Variants in SH3BGR observed in about 807,000 individuals in gnomAD.
The protein encoded by SH3BGR is SH3 domain binding glutamate rich protein, also known as SH3 domain-binding glutamic acid-rich protein.
SH3BGR carries 29 observed loss-of-function variants against 24.5 expected under a neutral mutation model. That is an observed-to-expected ratio of 1.18 (90% CI 0.88 to 1.61). The LOEUF is 1.61. Ranked by LOEUF, SH3BGR falls within the 40% of genes most tolerant of loss-of-function variation. The probability of loss-of-function intolerance (pLI) is 0.00; values close to 1 mark genes in which losing one functional copy is unlikely to be tolerated. For missense variants in SH3BGR, 162 were observed against 205.8 expected, an observed-to-expected ratio of 0.79 and a Z score of 1.30; for synonymous variants, 55 against 65.7, an observed-to-expected ratio of 0.84 and a Z score of 0.79.
chr21:39,508,754 A>C (rs1004560855), intron 4 of SH3BGR, among the ~76,000 whole-genome samples: 12 of 152,328 alleles, frequency 7.9e-5, no homozygotes, highest in South Asian at 4.1e-4. Context: ...TTTTCTCAGG[A>C]GTTCAAGTGA....
intron 1 of SH3BGR, chr21:39,446,964 T>A (rs1468419278): frequency 6.6e-6 from 1 of 152,174 alleles, no homozygotes; most frequent in African/African-American, 2.4e-5. Flanking sequence ...AATCCTACTT[T>A]GGTAGAAGTG....
intron 3 of SH3BGR, among the ~76,000 whole-genome samples, chr21:39,490,407 A>G (rs8127748): frequency 0.45 from 68,446 of 152,170 alleles, 18,167 homozygotes; most frequent in East Asian, 0.68. Flanking sequence ...ATTTTTGCAC[A>G]GCTGTTCTGC....
intron 2 of SH3BGR, among the ~76,000 whole-genome samples, chr21:39,472,550 A>C (rs895901285): frequency 9.2e-5 from 14 of 152,148 alleles, no homozygotes; most frequent in African/African-American, 3.4e-4. Flanking sequence ...ACTGTATCAA[A>C]CCTAGACACA....
intron 1 of SH3BGR, among the ~76,000 whole-genome samples, chr21:39,461,127 T>G (rs2077747652): frequency 6.7e-6 from 1 of 150,208 alleles, no homozygotes; most frequent in Non-Finnish European, 1.5e-5. Flanking sequence ...ACTCATCTAG[T>G]TTTGTAGATT....
rs747363583 is a variant in SH3BGR at position 39,462,391 on chromosome 21, A to G, written c.62A>G (p.Gln21Arg). The G allele has an allele frequency of 3.7e-6, 6 of 1,607,148 alleles. No individual in the cohort carries two copies. In the East Asian group the frequency reaches 1.3e-4, roughly 36 times the overall value. Residue 21 changes from glutamine (Q) to arginine (R), a missense_variant, in exon 2 of 7, where the codon CAA (glutamine) becomes CGA (arginine). Transcript: ENST00000333634. Reference sequence around the variant, plus strand: ...CTTGACCAGATTAGGAAGAAACAGCAAGAAGTAGTGGGTTTTTTGGAAGCG... The same window carrying G: ...CTTGACCAGATTAGGAAGAAACAGCGAGAAGTAGTGGGTTTTTTGGAAGCG... ...SGSIAIRKKQ[Q>R]EVVGFLEANK...
intron 3 of SH3BGR, among the ~76,000 whole-genome samples, chr21:39,498,236 C>T (rs980983735): frequency 4.6e-5 from 7 of 152,016 alleles, no homozygotes; most frequent in South Asian, 2.1e-4. Flanking sequence ...GCAGAGGTAC[C>T]GTATCACATT....
rs781284595 is a variant in SH3BGR at position 39,511,705 on chromosome 21, C to T, written c.461C>T (p.Ala154Val). 1.3e-4 allele frequency: 206 copies of T among 1,608,948 alleles called. 1 individual carries two copies. The highest frequency in any genetic ancestry group is 1.3e-3 in the Middle Eastern group (7 of 5,550). Residue 154 changes from alanine (A) to valine (V), a missense_variant, in exon 6 of 7, where the codon GCG becomes GTG. Transcript: ENST00000333634. This position sits in a 1 kb window ranked among gnomAD's most constrained non-coding sequence, Gnocchi z 4.2. ...ACGGAAGAAATAGCCATGGAGGGTG[C>T]GGAAGGGGAAGCCGAGGAGGAGGAA... is the stretch of plus-strand genomic sequence containing the variant. ...EETEEIAMEG[A>V]EGEAEEEEET...
chr21:39,456,942 TA>T (rs1279881856), intron 1 of SH3BGR, among the ~76,000 whole-genome samples: 1 of 36,560 alleles, frequency 2.7e-5, no homozygotes, highest in East Asian at 1.8e-3. Context: ...GTATAAGTGT[TA>T]ATTAAATTAA....
chr21:39,483,581 T>A (rs1378657554), intron 3 of SH3BGR, among the ~76,000 whole-genome samples: 1 of 152,216 alleles, frequency 6.6e-6, no homozygotes, highest in African/African-American at 2.4e-5. Flanking sequence ...ACTTTTTACC[T>A]GCTGACCCTG....
chr21:39,509,036 G>T lies in SH3BGR; in HGVS notation c.435+9G>T, dbSNP rs376963683. On this transcript the variant is annotated intron_variant, in intron 5 of 6. Coordinates refer to ENST00000333634, the MANE Select transcript of SH3BGR (RefSeq NM_007341.3). ...AGACAGCCACAGAAGAGGTACGGTC[G>T]ACCATCTTTAACAGCTGTGCTTAAT... The T allele has an allele frequency of 1.0e-5, 16 of 1,606,068 alleles. No homozygotes were observed. Among genetic ancestry groups the T allele is most frequent in the South Asian group, 6.7e-5 (6 of 89,494 alleles).
At chr21:39,479,806 T>G (rs924568829) in intron 3 of SH3BGR, among the ~76,000 whole-genome samples, 2 of 152,226 alleles carry the variant, frequency 1.3e-5, no homozygotes, top group Non-Finnish European at 2.9e-5. Flanking sequence ...TCAGATTTTT[T>G]CTGGTTAAGT....
rs1308004970 is a variant in SH3BGR at position 39,462,455 on chromosome 21, T to C, written c.126T>C (p.Asp42=). 1 of 1,609,318 alleles carries C rather than the reference T, an allele frequency of 6.2e-7. No individual in the cohort carries two copies. Among genetic ancestry groups the C allele is most frequent in the Non-Finnish European group, 8.5e-7 (1 of 1,178,976 alleles). The change falls in exon 2 of 7, where the codon GAT becomes GAC. Residue 42 remains aspartate (D), a synonymous_variant. Transcript: ENST00000333634. The part of the protein sequence containing the change: ...IDFKELDIAG[D]EDNRRWMREN... The stretch of plus-strand genomic sequence containing the variant: ...TTAAGGAATTAGATATTGCTGGAGA[T>C]GAAGACAACAGGAGGTGGATGAGAG...
chr21:39,474,313 C>T (rs1455498485), intron 2 of SH3BGR, among the ~76,000 whole-genome samples: 1 of 152,130 alleles, frequency 6.6e-6, no homozygotes, highest in East Asian at 1.9e-4. Context: ...AGGCAAAGAA[C>T]AACTAAGTTG....
intron 1 of SH3BGR, 73 bp from the exon 2 acceptor site, chr21:39,462,302 A>G (rs768765550): frequency 2.4e-5 from 26 of 1,070,064 alleles, no homozygotes; most frequent in Middle Eastern, 4.4e-4. Flanking sequence ...TAACTAGAGG[A>G]AGGATTTAAT....
At chr21:39,452,992 A>G (rs1010148247) in intron 1 of SH3BGR, among the ~76,000 whole-genome samples, 4 of 152,226 alleles carry the variant, frequency 2.6e-5, no homozygotes, top group Non-Finnish European at 4.4e-5. Flanking sequence ...CAGTTTTATT[A>G]AACCCAAGAG....
At chr21:39,492,288 G>A (rs4118060) in intron 3 of SH3BGR, among the ~76,000 whole-genome samples, 63,405 of 151,634 alleles carry the variant, frequency 0.42, 16,098 homozygotes, top group East Asian at 0.68. Context: ...ATGTCTTTGC[G>A]TCCTCATAGT....
intron 3 of SH3BGR, among the ~76,000 whole-genome samples, chr21:39,479,363 A>ATGATGGTGGTGG (rs906634656): frequency 7.9e-6 from 1 of 127,202 alleles, no homozygotes; most frequent in Non-Finnish European, 1.6e-5. Context: ...GATGGTGGAG[A>ATGATGGTGGTGG]TGATGGTGGT....
chr21:39,447,307 G>C (rs2077504630), upstream of SH3BGR, among the ~76,000 whole-genome samples: 1 of 151,904 alleles, frequency 6.6e-6, no homozygotes, highest in Non-Finnish European at 1.5e-5. Flanking sequence ...TTGAAAGGTA[G>C]AGTTTCCTGA....
chr21:39,452,589 G>A (rs2077591822), intron 1 of SH3BGR, among the ~76,000 whole-genome samples: 1 of 152,220 alleles, frequency 6.6e-6, no homozygotes, highest in African/African-American at 2.4e-5. Flanking sequence ...TATATGCCAT[G>A]TAATGATGTA....
Sources: gnomAD v4.1 joint callset for allele counts (sites outside exome capture counted in the v4.1 genomes callset) on GRCh38, gnomAD v4.1.1 for gene constraint, Gnocchi (gnomAD v3.1) non-coding constraint, MANE v1.5 for transcripts, NCBI Gene and HGNC (gene_info 2026-07-23, HGNC 2026-07-21) for gene names.